ZNF708: variants seen among roughly 807,000 people sequenced by gnomAD.
ZNF708 encodes the protein zinc finger protein 708, also known as ZNF15, ZNF15L1.
ZNF708 carries 44 observed loss-of-function variants against 47.0 expected under a neutral mutation model. The ratio of observed to expected loss-of-function variants is 0.94; its 90% confidence interval spans 0.74 to 1.20. The LOEUF (loss-of-function observed/expected upper bound fraction) is 1.20, where lower values mean the gene tolerates loss of function less well. Among genes scored for constraint, ZNF708 ranks in the 50% most tolerant of loss-of-function variants. The pLI is 0.00. For missense variants in ZNF708, 557 were observed against 656.0 expected (o/e 0.85, Z 1.65); for synonymous variants, 184 against 218.5 (o/e 0.84, Z 1.39).
At chr19:21,295,835 C>T (rs1972516952) in intron 3 of ZNF708, among the ~76,000 whole-genome samples, 1 of 151,732 alleles carries the variant, frequency 6.6e-6, no homozygotes, top group Non-Finnish European at 1.5e-5. Flanking sequence ...GCAGGATGAC[C>T]CCATCAAAAA....
At chr19:21,325,191 T>C (rs1161344693) in intron 1 of ZNF708, among the ~76,000 whole-genome samples, 2 of 152,198 alleles carry the variant, frequency 1.3e-5, no homozygotes, top group Admixed American at 1.3e-4. Flanking sequence ...AATACCACCA[T>C]AATTCTTCAC....
chr19:21,304,288 T>C (rs1972718059), intron 3 of ZNF708, among the ~76,000 whole-genome samples: 1 of 151,156 alleles, frequency 6.6e-6, no homozygotes, highest in Admixed American at 6.6e-5. Context: ...CAACCAGCTC[T>C]CATTTGAATC....
rs374392953 is a variant in ZNF708 at position 21,310,665 on chromosome 19, G to T, written c.4-38C>A. 7.2e-6 allele frequency: 10 copies of T among 1,387,098 alleles called. No individual in the cohort carries two copies. The African/African-American group carries it at 7.7e-5, about 11-fold the overall frequency. The allele number at this position is 1,387,098 out of a possible 1,614,324, so 85.9% of individuals were successfully genotyped here. On this transcript the variant is annotated intron_variant, in intron 1 of 3. Transcript: ENST00000356929. The stretch of plus-strand genomic sequence containing the variant: ...TACACACACACATATTTACCAAGTG[G>T]TTATGGACAGAATTTTTAATTTGAC...
intron 3 of ZNF708, among the ~76,000 whole-genome samples, chr19:21,296,273 G>A (rs879360598): frequency 4.6e-5 from 7 of 152,106 alleles, no homozygotes; most frequent in Non-Finnish European, 8.8e-5. Flanking sequence ...GGCCGAGGCG[G>A]GCGGATCACC....
At chr19:21,302,842 A>G (rs868044335) in intron 3 of ZNF708, among the ~76,000 whole-genome samples, 35 of 152,268 alleles carry the variant, frequency 2.3e-4, no homozygotes, top group African/African-American at 8.4e-4. Context: ...TACATAGAAT[A>G]AACAAAAATA....
intron 3 of ZNF708, among the ~76,000 whole-genome samples, chr19:21,299,090 G>T (rs559691944): frequency 6.6e-6 from 1 of 152,182 alleles, no homozygotes; most frequent in Admixed American, 6.6e-5. Flanking sequence ...TTACGGCCAG[G>T]CAGTGCTGTA....
chr19:21,323,533 G>C (rs957090782), intron 1 of ZNF708, among the ~76,000 whole-genome samples: 4 of 152,158 alleles, frequency 2.6e-5, no homozygotes, highest in African/African-American at 9.7e-5. Flanking sequence ...GCCTTTGTCT[G>C]CCTGAACTTT....
At position 21,292,355 on chromosome 19, in the gene ZNF708, TTC is replaced by T; in HGVS notation, c.*917_*918del. 6.6e-6 allele frequency: 1 copy of T among 152,354 alleles called. No individual in the cohort carries two copies. The highest frequency in any genetic ancestry group is 2.4e-5 in the African/African-American group (1 of 41,588). 9.4% of individuals were successfully genotyped at this position (152,354 alleles called of 1,614,324 possible). A position where few individuals can be genotyped will look rare whatever the true frequency, so the allele number is the denominator to read the frequency against. The stretch of plus-strand genomic sequence containing the variant: ...CTACCTTAGATATTTCCACTGTGAA[TTC>T]TCTGATATTTACATAGACTTATTTT... On this transcript the variant is annotated 3_prime_UTR_variant, in exon 4 of 4. Coordinates refer to ENST00000356929, the MANE Select transcript of ZNF708 (RefSeq NM_021269.3).
At chr19:21,299,462 T>A (rs1972609628) in intron 3 of ZNF708, among the ~76,000 whole-genome samples, 1 of 151,954 alleles carries the variant, frequency 6.6e-6, no homozygotes, top group African/African-American at 2.4e-5. Flanking sequence ...TATTTAAAAA[T>A]CTTTTAGGTG....
intron 1 of ZNF708, among the ~76,000 whole-genome samples, chr19:21,326,080 C>T (rs755779659): frequency 2.6e-5 from 4 of 152,090 alleles, no homozygotes; most frequent in East Asian, 1.9e-4. Flanking sequence ...TTGGCATGGA[C>T]GTGGTGAACA....
At chr19:21,320,192 A>G (rs1350385581) in intron 1 of ZNF708, among the ~76,000 whole-genome samples, 1 of 152,060 alleles carries the variant, frequency 6.6e-6, no homozygotes, top group African/African-American at 2.4e-5. Flanking sequence ...GCAGTGTAAC[A>G]ATTCCTCACA....
Position 21,293,278 on chromosome 19 carries a change from T to A in ZNF708, c.1688A>T (p.Lys563Ile). 6.2e-7 allele frequency: 1 copy of A among 1,601,646 alleles called. No individual in the cohort carries two copies. Among genetic ancestry groups the A allele is most frequent in the Non-Finnish European group, 8.5e-7 (1 of 1,175,622 alleles). The change falls in exon 4 of 4, where the codon AAA (lysine) becomes ATA (isoleucine). Residue 563 changes from lysine to isoleucine, a missense_variant. Lys to Ile is a moderately radical substitution (Grantham distance 102, BLOSUM62 -3). Coordinates refer to ENST00000356929, the MANE Select transcript of ZNF708 (RefSeq NM_021269.3). ...IHTKEKPYKC[K>I] ...TACACTAAAGGATTTGACACATTAT[T>A]TACATTTGTAGGGTTTCTCTTTGGT...
chr19:21,312,689 G>A (rs1234505758), intron 1 of ZNF708, among the ~76,000 whole-genome samples: 1 of 152,122 alleles, frequency 6.6e-6, no homozygotes, highest in East Asian at 1.9e-4. Flanking sequence ...GTTTGGAAAG[G>A]ATCCATGGAT....
intron 1 of ZNF708, among the ~76,000 whole-genome samples, chr19:21,320,505 G>A (rs1041011639): frequency 6.6e-6 from 1 of 151,800 alleles, no homozygotes; most frequent in Non-Finnish European, 1.5e-5. Flanking sequence ...GGGCAACATG[G>A]CAAAACCCCG....
chr19:21,306,414 T>C (rs1318790863), intron 3 of ZNF708, among the ~76,000 whole-genome samples: 1 of 151,388 alleles, frequency 6.6e-6, no homozygotes, highest in African/African-American at 2.4e-5. Context: ...AATGAAAAAA[T>C]AATTGAACTG....
intron 1 of ZNF708, among the ~76,000 whole-genome samples, chr19:21,319,019 T>G (rs1973072906): frequency 6.6e-6 from 1 of 152,200 alleles, no homozygotes; most frequent in South Asian, 2.1e-4. Flanking sequence ...TCATAATGTA[T>G]GTAGGATTTT....
intron 1 of ZNF708, among the ~76,000 whole-genome samples, chr19:21,312,744 C>CG (rs200458526): frequency 0.016 from 2,292 of 141,768 alleles, 42 homozygotes; most frequent in Admixed American, 0.056. Flanking sequence ...GTTGCTCCCC[C>CG]GGGCTCATTA....
In ZNF708 at chr19:21,293,690, C is replaced by T. The variant is rs1599664977; in HGVS notation, c.1276G>A (p.Gly426Ser). Residue 426 changes from glycine to serine, a missense_variant, in exon 4 of 4, where the codon GGT becomes AGT. Transcript: ENST00000356929. ...ATTGAGAATATACTAAAGGCTTTAC[C>T]ACATTCTTCACATTTGTAGGGTTTC... Reference protein sequence around the residue: ...GKKPYKCEECGKAFSIFSILT... With the variant: ...GKKPYKCEECSKAFSIFSILT... 2 of 1,612,892 alleles carry T rather than the reference C, an allele frequency of 1.2e-6. No individual in the cohort carries two copies. Among genetic ancestry groups the T allele is most frequent in the South Asian group, 1.1e-5 (1 of 91,034 alleles).
In ZNF708 at chr19:21,309,227, T is replaced by C. The variant is rs780103662; in HGVS notation, c.226+19A>G. On this transcript the variant is annotated intron_variant, in intron 3 of 3. Transcript: ENST00000356929. ...TGGACCTCACATCTGTGTCATCTGT[T>C]GTGTTCACTCTCACCTACCTGGGGG... 9.5e-6 allele frequency: 15 copies of C among 1,575,958 alleles called. No homozygotes were observed. The highest frequency in any genetic ancestry group is 1.3e-5 in the Non-Finnish European group (15 of 1,153,696).
Sources: allele counts gnomAD v4.1 joint callset (sites outside exome capture counted in the v4.1 genomes callset), GRCh38; gene constraint gnomAD v4.1.1; transcripts MANE v1.5; gene names NCBI Gene and HGNC (gene_info 2026-07-23, HGNC 2026-07-21).